VOPP1: variants seen among roughly 807,000 people sequenced by gnomAD.
VOPP1 encodes the protein VOPP1 WW domain binding protein, also known as WW domain binding protein VOPP1.
Under a neutral mutation model 23.5 loss-of-function variants are expected in VOPP1, and 8 were observed. The ratio of observed to expected loss-of-function variants is 0.34; its 90% CI spans 0.20 to 0.61. VOPP1 has a LOEUF of 0.61. VOPP1 is among the 20% of genes least tolerant of loss of function. VOPP1 has a pLI of 0.78. For synonymous variants in VOPP1, 83 were observed against 97.3 expected (o/e 0.85, Z 0.86); for missense variants, 174 against 238.1 (o/e 0.73, Z 1.77).
chr7:55,556,101 T>G (rs539437766), intron 1 of VOPP1, among the ~76,000 whole-genome samples: 3 of 152,348 alleles, frequency 2.0e-5, no homozygotes, highest in Admixed American at 2.0e-4. Flanking sequence ...AACAGAAAGC[T>G]GCTGCACTCA....
At chr7:55,533,093 C>A (rs1796587665) in intron 1 of VOPP1, among the ~76,000 whole-genome samples, 2 of 152,150 alleles carry the variant, frequency 1.3e-5, no homozygotes, top group African/African-American at 4.8e-5. Flanking sequence ...GGACTGAGAA[C>A]ATATGTGCCA....
At chr7:55,555,111 T>C in intron 1 of VOPP1, among the ~76,000 whole-genome samples, 1 of 152,194 alleles carries the variant, frequency 6.6e-6, no homozygotes, top group East Asian at 1.9e-4. Context: ...TAGAGAAATA[T>C]ACTTTTTAAA....
chr7:55,566,204 G>T (rs1260635048), intron 1 of VOPP1, among the ~76,000 whole-genome samples: 1 of 152,202 alleles, frequency 6.6e-6, no homozygotes, highest in Non-Finnish European at 1.5e-5. Context: ...TTCCAGACCA[G>T]CGCAACTAAT....
At chr7:55,527,780 T>C (rs1052931892) in intron 1 of VOPP1, among the ~76,000 whole-genome samples, 1 of 152,132 alleles carries the variant, frequency 6.6e-6, no homozygotes, top group African/African-American at 2.4e-5. Context: ...AAAAATAAAG[T>C]GATAGATATG....
intron 4 of VOPP1, among the ~76,000 whole-genome samples, chr7:55,461,280 G>A (rs904753666): frequency 6.6e-6 from 1 of 152,098 alleles, no homozygotes; most frequent in African/African-American, 2.4e-5. Context: ...CAAATAGGGT[G>A]CAGTGTATTC....
intron 4 of VOPP1, among the ~76,000 whole-genome samples, chr7:55,460,966 G>A (rs1791485449): frequency 6.6e-6 from 1 of 151,976 alleles, no homozygotes; most frequent in Admixed American, 6.6e-5. Flanking sequence ...CAATCAACGA[G>A]TGGATAAAGA....
At chr7:55,459,773 A>T (rs776308294) in intron 4 of VOPP1, among the ~76,000 whole-genome samples, 2 of 151,942 alleles carry the variant, frequency 1.3e-5, no homozygotes, top group African/African-American at 4.8e-5. Context: ...TGGTTAGTCT[A>T]GCTAGGAGGT....
chr7:55,506,188 C>T (rs1225956663), intron 2 of VOPP1, among the ~76,000 whole-genome samples: 1 of 152,236 alleles, frequency 6.6e-6, no homozygotes, highest in Non-Finnish European at 1.5e-5. Context: ...GTGCCCAGGG[C>T]ATTCCTGCCT....
At chr7:55,465,994 T>G (rs929131353), downstream of VOPP1, among the ~76,000 whole-genome samples, 1 of 152,146 alleles carries the variant, frequency 6.6e-6, no homozygotes, top group South Asian at 2.1e-4. Flanking sequence ...AGGTGGGCCC[T>G]TTGGGAAATG....
chr7:55,458,236 AT>A (rs1386807729), intron 4 of VOPP1, among the ~76,000 whole-genome samples: 2 of 152,066 alleles, frequency 1.3e-5, no homozygotes, highest in Non-Finnish European at 2.9e-5. Flanking sequence ...TTGGTGGTAA[AT>A]ATATGTATTT....
intron 1 of VOPP1, among the ~76,000 whole-genome samples, chr7:55,550,114 G>A (rs1011057940): frequency 6.6e-5 from 10 of 152,200 alleles, no homozygotes; most frequent in East Asian, 1.9e-4. Flanking sequence ...AAATGCCAGC[G>A]CCTGGGAAAA....
chr7:55,507,416 TA>T (rs1169398404), intron 2 of VOPP1, among the ~76,000 whole-genome samples: 15 of 151,698 alleles, frequency 9.9e-5, no homozygotes, highest in Admixed American at 2.0e-4. Context: ...TGAGCAGGTA[TA>T]TTTTTTTTTA....
At chr7:55,458,460 T>C (rs889334045) in intron 4 of VOPP1, among the ~76,000 whole-genome samples, 1 of 152,168 alleles carries the variant, frequency 6.6e-6, no homozygotes, top group Non-Finnish European at 1.5e-5. Flanking sequence ...CTGTGACAAA[T>C]GACAATAGTA....
At chr7:55,556,638 C>CA (rs961233915) in intron 1 of VOPP1, among the ~76,000 whole-genome samples, 1 of 148,912 alleles carries the variant, frequency 6.7e-6, no homozygotes, top group Non-Finnish European at 1.5e-5. Context: ...CTGTTGGAAC[C>CA]CCCCCCCAAA....
At chr7:55,566,991 T>C (rs1798183694) in intron 1 of VOPP1, among the ~76,000 whole-genome samples, 1 of 152,182 alleles carries the variant, frequency 6.6e-6, no homozygotes, top group African/African-American at 2.4e-5. Context: ...ATACTGTCAT[T>C]TCCCCTCAAT....
chr7:55,435,266 G>C (rs897177063), downstream of VOPP1, among the ~76,000 whole-genome samples: 1 of 152,202 alleles, frequency 6.6e-6, no homozygotes, highest in African/African-American at 2.4e-5. Flanking sequence ...CCGCTTCAAA[G>C]CGGTGTGTGA....
At chr7:55,558,031 A>C (rs190120871) in intron 1 of VOPP1, among the ~76,000 whole-genome samples, 6 of 152,214 alleles carry the variant, frequency 3.9e-5, no homozygotes, top group Non-Finnish European at 8.8e-5. Context: ...CCTTCAACAG[A>C]GGGTGGAATG....
chr7:55,534,471 A>G (rs992190080), intron 1 of VOPP1, among the ~76,000 whole-genome samples: 1 of 152,274 alleles, frequency 6.6e-6, no homozygotes, highest in Admixed American at 6.5e-5. Flanking sequence ...TAAACTTAAC[A>G]TCATTTCTGC....
At chr7:55,448,394 G>A (rs1047622605) in intron 4 of VOPP1, among the ~76,000 whole-genome samples, 3 of 152,194 alleles carry the variant, frequency 2.0e-5, no homozygotes, top group African/African-American at 7.2e-5. Flanking sequence ...AGTGCAATGA[G>A]AAAGATTCAT....
Sources: gnomAD v4.1 joint callset for allele counts (sites outside exome capture counted in the v4.1 genomes callset) on GRCh38, gnomAD v4.1.1 for gene constraint, MANE v1.5 for transcripts, NCBI Gene and HGNC (gene_info 2026-07-23, HGNC 2026-07-21) for gene names.